Variants in GALNT13 observed in about 807,000 individuals in gnomAD.
The protein encoded by GALNT13 is polypeptide N-acetylgalactosaminyltransferase 13.
A neutral mutation model predicts 64.2 loss-of-function variants in GALNT13; 28 were observed. That is an observed-to-expected ratio of 0.44 (90% CI 0.32 to 0.60). GALNT13 has a LOEUF of 0.60. Among genes scored for constraint, GALNT13 ranks in the 20% least tolerant of loss-of-function variants. The pLI, the probability that GALNT13 is intolerant of heterozygous loss-of-function variation, is 0.05. For missense variants in GALNT13, 577 were observed against 669.8 expected, an observed-to-expected ratio of 0.86 and a Z score of 1.53; for synonymous variants, 214 against 224.6, an observed-to-expected ratio of 0.95 and a Z score of 0.42.
At chr2:153,696,012 G>A in the GALNT13 span, among the ~76,000 whole-genome samples, 3 of 152,070 alleles carry the variant, frequency 2.0e-5, no homozygotes, top group South Asian at 2.1e-4. Flanking sequence ...TAGGATAGAC[G>A]TATATATAAA....
chr2:153,141,829 A>G, the GALNT13 span, among the ~76,000 whole-genome samples: 765 of 152,158 alleles, frequency 5.0e-3, 10 homozygotes, highest in African/African-American at 0.018. Context: ...TAATCATTAG[A>G]ACAACCTAAG....
chr2:154,428,181 T>C (rs531063833), intron 11 of GALNT13, among the ~76,000 whole-genome samples: 1 of 152,146 alleles, frequency 6.6e-6, no homozygotes, highest in African/African-American at 2.4e-5. Flanking sequence ...GACTAAATAA[T>C]GGGTGTGTAA....
At chr2:153,625,827 G>A in the GALNT13 span, among the ~76,000 whole-genome samples, 5 of 151,960 alleles carry the variant, frequency 3.3e-5, no homozygotes, top group African/African-American at 7.2e-5. Context: ...AGGAGATGTT[G>A]GAGGGCTGGT....
the GALNT13 span, among the ~76,000 whole-genome samples, chr2:153,621,245 C>T: frequency 1.1e-3 from 166 of 152,232 alleles, no homozygotes; most frequent in African/African-American, 4.0e-3. Context: ...AAGTGTATTC[C>T]AATGATGTTA....
chr2:154,273,300 C>A (rs1394240233), intron 8 of GALNT13, among the ~76,000 whole-genome samples: 2 of 151,944 alleles, frequency 1.3e-5, no homozygotes, highest in Non-Finnish European at 2.9e-5. Context: ...TCTATCTATG[C>A]AAGGATTTGC....
At chr2:153,436,187 C>T in the GALNT13 span, among the ~76,000 whole-genome samples, 52 of 152,186 alleles carry the variant, frequency 3.4e-4, no homozygotes, top group Non-Finnish European at 7.2e-4. Context: ...CCCACGTGAT[C>T]ATGGTAGATA....
At chr2:153,437,140 G>A in the GALNT13 span, among the ~76,000 whole-genome samples, 1 of 152,156 alleles carries the variant, frequency 6.6e-6, no homozygotes, top group Non-Finnish European at 1.5e-5. Context: ...GTGGTTTTGA[G>A]TGAGTTTCTT....
the GALNT13 span, among the ~76,000 whole-genome samples, chr2:153,555,437 G>T: frequency 9.6e-6 from 1 of 104,466 alleles, no homozygotes; most frequent in Admixed American, 9.1e-5. Flanking sequence ...CTCGTGATCC[G>T]CCCGCCTCGG....
the GALNT13 span, among the ~76,000 whole-genome samples, chr2:153,507,254 TC>T: frequency 1.3e-5 from 2 of 152,022 alleles, no homozygotes; most frequent in African/African-American, 4.8e-5. Context: ...GTATCCTGCA[TC>T]ATGTGTTTTC....
intron 9 of GALNT13, among the ~76,000 whole-genome samples, chr2:154,308,224 A>G (rs552456417): frequency 8.3e-4 from 126 of 152,256 alleles, no homozygotes; most frequent in African/African-American, 3.0e-3. Context: ...AACACAAACC[A>G]CACAATTACA....
At chr2:153,532,751 C>T in the GALNT13 span, among the ~76,000 whole-genome samples, 2 of 152,174 alleles carry the variant, frequency 1.3e-5, no homozygotes, top group Non-Finnish European at 2.9e-5. Flanking sequence ...GAAATTTCTT[C>T]CACCAGATTC....
intron 3 of GALNT13, among the ~76,000 whole-genome samples, chr2:154,108,484 T>G (rs978194276): frequency 5.9e-5 from 9 of 152,134 alleles, no homozygotes; most frequent in Non-Finnish European, 1.3e-4. Context: ...TCTTACATAT[T>G]TTAGATATTA....
chr2:154,020,149 G>A (rs545053969), intron 3 of GALNT13, among the ~76,000 whole-genome samples: 21 of 152,042 alleles, frequency 1.4e-4, no homozygotes, highest in Admixed American at 9.2e-4. Context: ...GAATAGTGCC[G>A]CAATAAACAT....
At chr2:153,703,418 A>G in the GALNT13 span, among the ~76,000 whole-genome samples, 3 of 152,058 alleles carry the variant, frequency 2.0e-5, no homozygotes, top group South Asian at 4.1e-4. Context: ...TTTCTAGATA[A>G]TATAAACTTC....
chr2:154,233,207 T>TA (rs1689021264), intron 4 of GALNT13, among the ~76,000 whole-genome samples: 1 of 152,156 alleles, frequency 6.6e-6, no homozygotes, highest in Non-Finnish European at 1.5e-5. Context: ...GATGTCTTAG[T>TA]AGTCATAGAA....
chr2:153,953,007 G>T (rs1558871849), intron 3 of GALNT13, among the ~76,000 whole-genome samples: 1 of 152,108 alleles, frequency 6.6e-6, no homozygotes, highest in African/African-American at 2.4e-5. Flanking sequence ...CAGCGGATTA[G>T]ATGGTGCCCA....
chr2:153,399,051 T>C, the GALNT13 span, among the ~76,000 whole-genome samples: 1 of 128,466 alleles, frequency 7.8e-6, no homozygotes, highest in Non-Finnish European at 1.6e-5. Flanking sequence ...GTTTTTATGG[T>C]TTTAGGTCTA....
intron 3 of GALNT13, among the ~76,000 whole-genome samples, chr2:154,109,604 G>T (rs1029653054): frequency 6.6e-6 from 1 of 152,044 alleles, no homozygotes; most frequent in Non-Finnish European, 1.5e-5. Context: ...AATGTTAGCT[G>T]TCAGCTTCTT....
intron 8 of GALNT13, among the ~76,000 whole-genome samples, chr2:154,275,691 G>A (rs1308211611): frequency 6.6e-6 from 1 of 152,188 alleles, no homozygotes; most frequent in African/African-American, 2.4e-5. Flanking sequence ...CCCCCACACA[G>A]AGTCCCCCCT....
Sources: gnomAD v4.1 joint callset for allele counts (sites outside exome capture counted in the v4.1 genomes callset) on GRCh38, gnomAD v4.1.1 for gene constraint, MANE v1.5 for transcripts, NCBI Gene and HGNC (gene_info 2026-07-23, HGNC 2026-07-21) for gene names.